LRP1B: variants seen among roughly 807,000 people sequenced by gnomAD.
LRP1B encodes the protein LDL receptor related protein 1B, also known as low-density lipoprotein receptor-related protein 1B.
In LRP1B, 217 loss-of-function variants were observed where a neutral mutation model predicts 556.6. The ratio of observed to expected loss-of-function variants is 0.39; its 90% CI spans 0.35 to 0.44. LRP1B has a LOEUF of 0.44. Ranked by LOEUF, LRP1B falls within the 20% of genes least tolerant of loss-of-function variation. The probability of loss-of-function intolerance (pLI) is 1.00; values close to 1 mark genes in which losing one functional copy is unlikely to be tolerated. For synonymous variants in LRP1B, 2,047 were observed against 1,865.8 expected (o/e 1.10, Z -2.50); for missense variants, 5,053 against 5,620.8 (o/e 0.90, Z 3.23).
chr2:141,837,697 C>T (rs1158468899), intron 1 of LRP1B, among the ~76,000 whole-genome samples: 3 of 151,898 alleles, frequency 2.0e-5, no homozygotes, highest in African/African-American at 4.8e-5. Context: ...ATGTGTAGTA[C>T]ATAGTAAAGG....
intron 1 of LRP1B, among the ~76,000 whole-genome samples, chr2:141,902,278 G>C (rs1699640269): frequency 6.6e-6 from 1 of 151,578 alleles, no homozygotes; most frequent in South Asian, 2.1e-4. Flanking sequence ...CCTACTAAAA[G>C]ATGATTAGAA....
At chr2:141,559,217 T>C (rs1363165991) in intron 2 of LRP1B, among the ~76,000 whole-genome samples, 1 of 151,696 alleles carries the variant, frequency 6.6e-6, no homozygotes, top group African/African-American at 2.4e-5. Flanking sequence ...TTACTTGTTT[T>C]AGGAATGGTG....
intron 1 of LRP1B, among the ~76,000 whole-genome samples, chr2:142,110,911 C>T (rs569332219): frequency 6.6e-6 from 1 of 152,126 alleles, no homozygotes; most frequent in African/African-American, 2.4e-5. Flanking sequence ...CTATATGGCA[C>T]TTTTGTGCTA....
intron 3 of LRP1B, among the ~76,000 whole-genome samples, chr2:141,451,329 T>C (rs895276245): frequency 2.0e-5 from 3 of 152,234 alleles, no homozygotes; most frequent in Non-Finnish European, 2.9e-5. Flanking sequence ...ACTGGTAGTG[T>C]CAATTTAAAA....
chr2:141,530,392 C>T (rs71417147), intron 2 of LRP1B, among the ~76,000 whole-genome samples: 51,656 of 151,852 alleles, frequency 0.34, 9,741 homozygotes, highest in Non-Finnish European at 0.43. Context: ...TTCTTTTCAC[C>T]TACCACTGAT....
intron 10 of LRP1B, 143 bp from the exon 11 acceptor site, chr2:141,049,365 T>C: frequency 4.6e-6 from 3 of 645,784 alleles, no homozygotes; most frequent in Admixed American, 2.6e-5. Context: ...CAAATGTATC[T>C]TGATGCAAGA....
chr2:141,661,289 C>T (rs1690213254), intron 2 of LRP1B, among the ~76,000 whole-genome samples: 1 of 152,168 alleles, frequency 6.6e-6, no homozygotes, highest in Admixed American at 6.5e-5. Context: ...ATGATCACAA[C>T]ACCTCTCCAG....
At chr2:141,781,271 G>C (rs1055271539) in intron 2 of LRP1B, among the ~76,000 whole-genome samples, 9 of 152,068 alleles carry the variant, frequency 5.9e-5, no homozygotes, top group Admixed American at 5.9e-4. Flanking sequence ...AAACAAAACT[G>C]TAAAATAGGC....
rs190739725 is a variant in LRP1B, at chr2:142,013,029, G to A, written c.82+117619C>T. Among the ~76,000 whole-genome samples the A allele has an allele frequency of 3.3e-5, 5 of 152,278 alleles. No homozygotes were observed. The East Asian group carries it at 7.7e-4, about 23-fold the overall frequency. On this transcript the variant is annotated intron_variant, in intron 1 of 90. Coordinates refer to ENST00000389484, the MANE Select transcript of LRP1B (RefSeq NM_018557.3). ...AGTGGGAAAGCACTGAGATTTAAAT[G>A]GTAGGAAACAGAGTGAATAGATTTA... is the stretch of plus-strand genomic sequence containing the variant.
intron 1 of LRP1B, among the ~76,000 whole-genome samples, chr2:141,913,955 C>A (rs1451654660): frequency 6.6e-6 from 1 of 152,044 alleles, no homozygotes; most frequent in Non-Finnish European, 1.5e-5. Context: ...ACTGTGTTAG[C>A]CAGGATGGTC....
chr2:140,964,099 C>T (rs1696122416), intron 18 of LRP1B, among the ~76,000 whole-genome samples: 1 of 131,104 alleles, frequency 7.6e-6, no homozygotes, highest in Non-Finnish European at 1.7e-5. Flanking sequence ...GTCACATGTC[C>T]ACTGGACAGG....
rs191689632 is a variant in LRP1B at position 141,309,960 on chromosome 2, C to T, written c.344-55319G>A. On this transcript the variant is annotated intron_variant, in intron 3 of 90. Transcript: ENST00000389484. ...CTTGAATCTGAGATTTCCCAGCTTC[C>T]AAAAATGTGAGCAATAAATTTCTGT... Among the ~76,000 whole-genome samples, 90 of 152,158 alleles carry T rather than the reference C, an allele frequency of 5.9e-4. 1 individual carries two copies. The highest frequency in any genetic ancestry group is 2.1e-3 in the African/African-American group (89 of 41,512).
intron 3 of LRP1B, among the ~76,000 whole-genome samples, chr2:141,382,447 C>T (rs1468498026): frequency 2.0e-5 from 3 of 152,188 alleles, no homozygotes; most frequent in Non-Finnish European, 4.4e-5. Flanking sequence ...TTATTTGAGC[C>T]AACAGACAGT....
intron 43 of LRP1B, among the ~76,000 whole-genome samples, chr2:140,588,623 A>G (rs1682085045): frequency 1.3e-5 from 2 of 152,216 alleles, no homozygotes; most frequent in Admixed American, 1.3e-4. Context: ...AGACACCTAC[A>G]ATTATGCCCA....
At chr2:140,518,344 T>C (rs1338004218) in intron 49 of LRP1B, among the ~76,000 whole-genome samples, 2 of 152,188 alleles carry the variant, frequency 1.3e-5, no homozygotes, top group Non-Finnish European at 2.9e-5. Context: ...TCTGTCTACC[T>C]GCCTCATAAG....
At chr2:140,415,279 A>C (rs1685142326) in intron 66 of LRP1B, among the ~76,000 whole-genome samples, 1 of 150,508 alleles carries the variant, frequency 6.6e-6, no homozygotes, top group Non-Finnish European at 1.5e-5. Context: ...GACCCTTATC[A>C]GTAGTTCTGC....
intron 2 of LRP1B, among the ~76,000 whole-genome samples, chr2:141,484,804 C>T (rs943752604): frequency 3.9e-5 from 6 of 151,934 alleles, no homozygotes; most frequent in Admixed American, 6.6e-5. Flanking sequence ...GATTTTTGTA[C>T]GTTGATTTTG....
intron 3 of LRP1B, among the ~76,000 whole-genome samples, chr2:141,276,650 CTTTCTTTCT>C (rs1156625836): frequency 3.2e-5 from 4 of 125,956 alleles, no homozygotes; most frequent in African/African-American, 1.2e-4. Flanking sequence ...TTCTTTCTTT[CTTTCTTTCT>C]TTTTTTTTTT....
In LRP1B at chr2:140,720,846, T is replaced by TA. The variant is rs557012709; in HGVS notation, c.5759-4031dup. ...CATAAATATATAAAAATATGCCAGGTAAAATATAATATATATGCTTACCAT... is the reference window on the plus strand; with the variant it reads ...CATAAATATATAAAAATATGCCAGGTAAAAATATAATATATATGCTTACCAT... On this transcript the variant is annotated intron_variant, in intron 35 of 90. Coordinates refer to ENST00000389484, the MANE Select transcript of LRP1B (RefSeq NM_018557.3). Among the ~76,000 whole-genome samples the TA allele has an allele frequency of 2.3e-3, 350 of 152,082 alleles. 1 individual carries two copies. Among genetic ancestry groups the TA allele is most frequent in the African/African-American group, 7.8e-3 (325 of 41,518 alleles).
Sources: allele counts gnomAD v4.1 joint callset (sites outside exome capture counted in the v4.1 genomes callset), GRCh38; gene constraint gnomAD v4.1.1; transcripts MANE v1.5; gene names NCBI Gene and HGNC (gene_info 2026-07-23, HGNC 2026-07-21).